Variants in CORO2B observed in about 807,000 individuals in gnomAD.
The protein encoded by CORO2B is coronin 2B, also known as coronin-2B.
Under a neutral mutation model 58.8 loss-of-function variants are expected in CORO2B, and 26 were observed. The observed-to-expected ratio is 0.44, with a 90% confidence interval of 0.32 to 0.61. The LOEUF is 0.61. Among genes scored for constraint, CORO2B ranks in the 20% least tolerant of loss-of-function variants. The probability of loss-of-function intolerance (pLI) is 0.04; values close to 1 mark genes in which losing one functional copy is unlikely to be tolerated. For missense variants in CORO2B, 460 were observed against 645.1 expected (o/e 0.71, Z 3.11); for synonymous variants, 242 against 253.8 (o/e 0.95, Z 0.44).
the CORO2B span, among the ~76,000 whole-genome samples, chr15:68,532,851 C>T: frequency 6.6e-6 from 1 of 152,136 alleles, no homozygotes; most frequent in Non-Finnish European, 1.5e-5. Flanking sequence ...ATGCCCTGGG[C>T]AATCAATAAG....
At chr15:68,678,519 C>T (rs187480963) in intron 2 of CORO2B, among the ~76,000 whole-genome samples, 15 of 152,164 alleles carry the variant, frequency 9.9e-5, no homozygotes, top group African/African-American at 3.6e-4. Context: ...ACTAAAAATA[C>T]AAAAATTAGC....
chr15:68,608,315 G>T (rs1426804460), intron 1 of CORO2B, among the ~76,000 whole-genome samples: 4 of 152,226 alleles, frequency 2.6e-5, no homozygotes, highest in Non-Finnish European at 5.9e-5. Flanking sequence ...GAACATTGGT[G>T]GTTACAGTTT....
chr15:68,651,038 A>G (rs1357691312), intron 2 of CORO2B, among the ~76,000 whole-genome samples: 2 of 152,206 alleles, frequency 1.3e-5, no homozygotes, highest in Non-Finnish European at 2.9e-5. Context: ...GTTCAAACAG[A>G]ACTGCAGGAC....
the CORO2B span, among the ~76,000 whole-genome samples, chr15:68,531,555 G>GGAAGGAAA: frequency 1.2e-4 from 9 of 77,830 alleles, no homozygotes; most frequent in Middle Eastern, 6.1e-3. Flanking sequence ...AAGGAAGGAA[G>GGAAGGAAA]GAAAGAAAGA....
chr15:68,720,392 G>A (rs1344217072), intron 11 of CORO2B, among the ~76,000 whole-genome samples: 1 of 152,216 alleles, frequency 6.6e-6, no homozygotes, highest in African/African-American at 2.4e-5. Context: ...ACCTACTGCT[G>A]TGTAACAAAT....
the CORO2B span, among the ~76,000 whole-genome samples, chr15:68,523,099 C>T: frequency 6.6e-6 from 1 of 152,200 alleles, no homozygotes; most frequent in African/African-American, 2.4e-5. Context: ...CATTTTTCCT[C>T]CAAGAGTATA....
the CORO2B span, among the ~76,000 whole-genome samples, chr15:68,521,512 G>A: frequency 1.1e-4 from 16 of 152,058 alleles, no homozygotes; most frequent in East Asian, 1.9e-3. Flanking sequence ...CACCCTTTCC[G>A]TTGTTCTTCA....
the CORO2B span, among the ~76,000 whole-genome samples, chr15:68,550,150 G>T: frequency 6.6e-6 from 1 of 151,978 alleles, no homozygotes; most frequent in Non-Finnish European, 1.5e-5. Context: ...AGGTGTGCTG[G>T]GGGTGCTCTA....
At chr15:68,661,935 TGG>T (rs1223590904) in intron 2 of CORO2B, among the ~76,000 whole-genome samples, 2 of 152,110 alleles carry the variant, frequency 1.3e-5, no homozygotes, top group Non-Finnish European at 2.9e-5. Flanking sequence ...TGAACCCAAG[TGG>T]TGGAGGTTTC....
At chr15:68,578,962 C>T (rs1050916385), upstream of CORO2B, 1 of 915,398 alleles carries the variant, frequency 1.1e-6, no homozygotes, top group African/African-American at 1.8e-5. This position sits in a 1 kb window ranked among gnomAD's most constrained non-coding sequence, Gnocchi z 4.2. Flanking sequence ...CCCCCCGCCC[C>T]CCAGCCCGGG....
intron 2 of CORO2B, among the ~76,000 whole-genome samples, chr15:68,691,990 T>C (rs1195157044): frequency 6.6e-6 from 1 of 152,230 alleles, no homozygotes; most frequent in Non-Finnish European, 1.5e-5. Flanking sequence ...GGAATGACTC[T>C]GTCAGAGAGT....
intron 3 of CORO2B, among the ~76,000 whole-genome samples, chr15:68,701,162 G>A (rs965370408): frequency 3.3e-5 from 5 of 152,294 alleles, no homozygotes; most frequent in Non-Finnish European, 7.4e-5. Context: ...CGCCGAGTGG[G>A]TCTTCACTAA....
intron 1 of CORO2B, among the ~76,000 whole-genome samples, chr15:68,580,848 GA>G (rs1298353784): frequency 1.3e-5 from 2 of 152,074 alleles, no homozygotes; most frequent in Non-Finnish European, 2.9e-5. Flanking sequence ...TTTTGTGCGC[GA>G]GCTCATGCAG....
chr15:68,580,702 A>C (rs1899406242), intron 1 of CORO2B, among the ~76,000 whole-genome samples: 1 of 151,954 alleles, frequency 6.6e-6, no homozygotes, highest in African/African-American at 2.4e-5. Context: ...GCTGGGAGGG[A>C]TATTAAGGTT....
intron 11 of CORO2B, among the ~76,000 whole-genome samples, chr15:68,722,807 C>T (rs1893194109): frequency 6.6e-6 from 1 of 152,166 alleles, no homozygotes; most frequent in African/African-American, 2.4e-5. Context: ...GTGGCTCACG[C>T]CTATAATCCC....
the CORO2B span, among the ~76,000 whole-genome samples, chr15:68,571,031 A>C: frequency 3.9e-5 from 6 of 152,170 alleles, no homozygotes; most frequent in Non-Finnish European, 7.3e-5. Context: ...GTGCGAAGGA[A>C]ACAGAGAGGA....
chr15:68,519,748 GGATA>G, the CORO2B span, among the ~76,000 whole-genome samples: 1 of 152,000 alleles, frequency 6.6e-6, no homozygotes, highest in South Asian at 2.1e-4. Flanking sequence ...TAATGTCTTA[GGATA>G]GATACTTACA....
the CORO2B span, among the ~76,000 whole-genome samples, chr15:68,528,274 G>A: frequency 1.8e-4 from 27 of 152,114 alleles, no homozygotes; most frequent in African/African-American, 2.9e-4. Context: ...CAGGTCATAC[G>A]TTTTTTATAT....
At chr15:68,605,999 T>C (rs1394287436) in intron 1 of CORO2B, among the ~76,000 whole-genome samples, 1 of 151,830 alleles carries the variant, frequency 6.6e-6, no homozygotes, top group Non-Finnish European at 1.5e-5. Flanking sequence ...GCTGGGATTA[T>C]AGCAGTGAGC....
Sources: gnomAD v4.1 joint callset for allele counts (sites outside exome capture counted in the v4.1 genomes callset) on GRCh38, gnomAD v4.1.1 for gene constraint, Gnocchi (gnomAD v3.1) non-coding constraint, MANE v1.5 for transcripts, NCBI Gene and HGNC (gene_info 2026-07-23, HGNC 2026-07-21) for gene names.